The following PTCH1 variants were observed in gnomAD, a reference collection of about 807,000 sequenced individuals.
The protein encoded by PTCH1 is protein patched homolog 1.
Under a neutral mutation model 144.6 loss-of-function variants are expected in PTCH1, and 14 were observed. The observed-to-expected ratio is 0.10, with a 90% confidence interval of 0.06 to 0.15. The LOEUF (loss-of-function observed/expected upper bound fraction) is 0.15. Among genes scored for constraint, PTCH1 ranks in the 10% least tolerant of loss-of-function variants. The probability of loss-of-function intolerance (pLI) is 1.00; values close to 1 mark genes in which losing one functional copy is unlikely to be tolerated. For synonymous variants in PTCH1, 833 were observed against 793.6 expected, an observed-to-expected ratio of 1.05 and a Z score of -0.83; for missense variants, 1,623 against 1,948.3, an observed-to-expected ratio of 0.83 and a Z score of 3.14.
chr9:95,467,385 C>G lies in PTCH1; in HGVS notation c.2291G>C (p.Ser764Thr), dbSNP rs1840109067. Residue 764 changes from serine to threonine, a missense_variant, in exon 15 of 24, where the codon AGC becomes ACC. Around this residue, in one of 7 missense-constraint regions of PTCH1, gnomAD observed 504 missense variants for 679.3 expected, o/e 0.74. Coordinates refer to ENST00000331920, the MANE Select transcript of PTCH1 (RefSeq NM_000264.5). ...IFLFLGLLGV[S>T]LYGTTRVRDG... ...TCTCACTCGGGTGGTGCCATAAAGG[C>G]TGACCCCCAGCAAGCCCAGAAAAAG... is the stretch of plus-strand genomic sequence containing the variant. 1 of 1,614,198 alleles carries G rather than the reference C, an allele frequency of 6.2e-7. No individual in the cohort carries two copies. Among genetic ancestry groups the G allele is most frequent in the South Asian group, 1.1e-5 (1 of 91,090 alleles).
chr9:95,463,958 G>A lies in PTCH1; in HGVS notation c.2561-1960C>T, dbSNP rs953797822. ...ACTCCAGCATCAATAACATCTGGTGGCAAACGGGGTCCCCAAAATCTGGGG... is the reference window on the plus strand; with the variant it reads ...ACTCCAGCATCAATAACATCTGGTGACAAACGGGGTCCCCAAAATCTGGGG... On this transcript the variant is annotated intron_variant, in intron 15 of 23. Coordinates refer to ENST00000331920, the MANE Select transcript of PTCH1 (RefSeq NM_000264.5). Among the ~76,000 whole-genome samples the A allele has an allele frequency of 2.6e-5, 4 of 152,170 alleles. No individual in the cohort carries two copies. The South Asian group carries it at 8.3e-4, about 32-fold the overall frequency.
Position 95,476,837 on chromosome 9 carries a change from A to G in PTCH1, c.1524T>C (p.Leu508=), listed in dbSNP as rs778837458. Residue 508 remains leucine, a synonymous_variant, in exon 11 of 24, where the codon CTT becomes CTC. Coordinates refer to ENST00000331920, the MANE Select transcript of PTCH1 (RefSeq NM_000264.5). This position sits in a 1 kb window ranked among gnomAD's most constrained non-coding sequence, Gnocchi z 4.6. ...GAAAAACATCATCCACACCAACACC[A>G]AGAGCGAGAAATGGCAAAACCTACA... ...ATTQVLPFLA[L]GVGVDDVFLL... 1.9e-6 allele frequency: 3 copies of G among 1,614,078 alleles called. No homozygotes were observed. The highest frequency in any genetic ancestry group is 2.5e-6 in the Non-Finnish European group (3 of 1,179,916).
In PTCH1 at chr9:95,506,401, T is replaced by G. The variant is rs1843645338; in HGVS notation, c.394+6A>C. ...GGGGCGCGGGCGCCGCGGCGGGCGCTCTTACCTTCCACCCACAGCTCCTCC... is the reference window on the plus strand; with the variant it reads ...GGGGCGCGGGCGCCGCGGCGGGCGCGCTTACCTTCCACCCACAGCTCCTCC... On this transcript the variant is annotated splice_donor_region_variant and intron_variant, in intron 2 of 23. Coordinates refer to ENST00000331920, the MANE Select transcript of PTCH1 (RefSeq NM_000264.5). 1 of 1,608,134 alleles carries G rather than the reference T, an allele frequency of 6.2e-7. No individual in the cohort carries two copies. Among genetic ancestry groups the G allele is most frequent in the African/African-American group, 1.3e-5 (1 of 74,272 alleles).
chr9:95,463,699 G>A (rs776729842), intron 15 of PTCH1, among the ~76,000 whole-genome samples: 47 of 152,106 alleles, frequency 3.1e-4, no homozygotes, highest in Non-Finnish European at 6.2e-4. Context: ...GGCATCCCAC[G>A]GCAACCAAGG....
chr9:95,511,584 G>C (rs931145372), upstream of PTCH1, among the ~76,000 whole-genome samples: 1 of 152,248 alleles, frequency 6.6e-6, no homozygotes, highest in Non-Finnish European at 1.5e-5. Context: ...GAGTGCCTCA[G>C]GGAAGGGCTG....
chr9:95,516,715 A>C lies in PTCH1; in HGVS notation c.-244T>G. Reference sequence around the variant, plus strand: ...TCTCCTCCTCCTCCGTCTTTACAAAAGGAACGGAAAGTGTAAAAACCCCGG... The same window carrying C: ...TCTCCTCCTCCTCCGTCTTTACAAACGGAACGGAAAGTGTAAAAACCCCGG... On this transcript the variant is annotated 5_prime_UTR_variant, in exon 1 of 23. Transcript: ENST00000430669. 7 of 1,612,818 alleles carry C rather than the reference A, an allele frequency of 4.3e-6. No individual in the cohort carries two copies. In the South Asian group the frequency reaches 7.7e-5, roughly 18 times the overall value.
In PTCH1 at chr9:95,447,544, G is replaced by C. The variant is rs891820931; in HGVS notation, c.3805-93C>G. The C allele has an allele frequency of 3.6e-6, 5 of 1,374,354 alleles. No homozygotes were observed. The Admixed American group carries it at 1.2e-4, about 32-fold the overall frequency. 85.1% of individuals were successfully genotyped at this position (1,374,354 alleles called of 1,614,324 possible). On this transcript the variant is annotated intron_variant, in intron 22 of 23. Transcript: ENST00000331920. ...ACTTCCCTCCTTGGGTTTCACCAAA[G>C]ACTCAGTCAACCCTGGGGAGCCAAT...
rs920894205 is a variant in PTCH1, at chr9:95,508,697, G to A, written c.-336C>T. 3.0e-6 allele frequency: 3 copies of A among 986,916 alleles called. No individual in the cohort carries two copies. The highest frequency in any genetic ancestry group is 1.2e-4 in the Admixed American group (2 of 16,278). 61.1% of individuals were successfully genotyped at this position (986,916 alleles called of 1,614,324 possible). A position where few individuals can be genotyped will look rare whatever the true frequency, so the allele number is the denominator to read the frequency against. ...GAGAGCCGGCGCGCCGAGCGAGCCT[G>A]TCCTTCGGGCGCTTCCGCGGCACTC... On this transcript the variant is annotated 5_prime_UTR_variant, in exon 1 of 24. Transcript: ENST00000331920.
chr9:95,467,458 G>A (rs1393659112), intron 14 of PTCH1, 33 bp from the exon 15 acceptor site: 2 of 1,605,388 alleles, frequency 1.2e-6, no homozygotes, highest in Non-Finnish European at 1.7e-6. Context: ...TCAGACCCCA[G>A]GGAGCACCAC....
chr9:95,474,027 C>A (rs116531772), intron 12 of PTCH1: 2 of 471,154 alleles, frequency 4.2e-6, no homozygotes. Context: ...GAGAATTTAG[C>A]GCACTGGATT....
At chr9:95,448,228 G>A (rs1023375572) in intron 22 of PTCH1, among the ~76,000 whole-genome samples, 34 of 152,240 alleles carry the variant, frequency 2.2e-4, no homozygotes, top group African/African-American at 3.1e-4. Flanking sequence ...CTCAGCGGGC[G>A]TCGTCGCGGG....
At chr9:95,503,505 C>T (rs1298917203) in intron 2 of PTCH1, among the ~76,000 whole-genome samples, 1 of 152,168 alleles carries the variant, frequency 6.6e-6, no homozygotes, top group Non-Finnish European at 1.5e-5. Context: ...GGTCTATCTG[C>T]ATTTATGAAA....
At chr9:95,446,708 C>T in intron 23 of PTCH1, 1 of 663,306 alleles carries the variant, frequency 1.5e-6, no homozygotes, top group African/African-American at 1.8e-5. Context: ...GGGAAGAGAG[C>T]AGTGTGGAGC....
intron 22 of PTCH1, among the ~76,000 whole-genome samples, chr9:95,448,532 G>A (rs1838160204): frequency 6.6e-6 from 1 of 152,142 alleles, no homozygotes; most frequent in African/African-American, 2.4e-5. Context: ...TGGCCTCTCT[G>A]CTCTTTCCTG....
intron 17 of PTCH1, among the ~76,000 whole-genome samples, chr9:95,459,146 C>T (rs998450376): frequency 2.0e-5 from 3 of 152,190 alleles, no homozygotes. Flanking sequence ...TTTTCTGCTC[C>T]GGTTTAAACA....
intron 5 of PTCH1, chr9:95,481,708 T>C (rs1389570164): frequency 3.5e-6 from 2 of 563,998 alleles, no homozygotes; most frequent in Non-Finnish European, 3.2e-6. Context: ...TATTTGCATA[T>C]AAATAGGTTG....
chr9:95,481,116 C>A (rs570282914), intron 5 of PTCH1, among the ~76,000 whole-genome samples: 11 of 152,334 alleles, frequency 7.2e-5, no homozygotes, highest in African/African-American at 2.2e-4. Context: ...CACTTCCCCC[C>A]ACACTCACTT....
intron 16 of PTCH1, 81 bp from the exon 17 acceptor site, chr9:95,459,864 A>G: frequency 2.1e-6 from 3 of 1,412,842 alleles, no homozygotes; most frequent in Non-Finnish European, 3.0e-6. Flanking sequence ...ACAGAAGCTG[A>G]GCTTCGCACA....
At chr9:95,491,740 A>G (rs1371660994) in intron 2 of PTCH1, among the ~76,000 whole-genome samples, 1 of 152,174 alleles carries the variant, frequency 6.6e-6, no homozygotes. Flanking sequence ...AGACAGGTTG[A>G]GCATCCCTAA....
Sources: gnomAD v4.1 joint callset for allele counts (sites outside exome capture counted in the v4.1 genomes callset) on GRCh38, gnomAD v4.1.1 for gene constraint, gnomAD v4.1.1 regional missense constraint, Gnocchi (gnomAD v3.1) non-coding constraint, MANE v1.5 for transcripts, NCBI Gene and HGNC (gene_info 2026-07-23, HGNC 2026-07-21) for gene names.